The following SYNPO2 variants were observed in gnomAD, a reference collection of about 807,000 sequenced individuals.
SYNPO2 encodes synaptopodin 2.
Under a neutral mutation model 85.0 loss-of-function variants are expected in SYNPO2, and 56 were observed. The ratio of observed to expected loss-of-function variants is 0.66; its 90% CI spans 0.53 to 0.82. The LOEUF (loss-of-function observed/expected upper bound fraction) is 0.82. Ranked by LOEUF, SYNPO2 falls within the 40% of genes least tolerant of loss-of-function variation. The pLI is 0.00. For synonymous variants in SYNPO2, 602 were observed against 591.1 expected (o/e 1.02, Z -0.27); for missense variants, 1,575 against 1,534.2 (o/e 1.03, Z -0.44).
At chr4:119,023,691 G>A (rs1737829200) in intron 2 of SYNPO2, 110 bp downstream of exon 2, 1 of 1,271,710 alleles carries the variant, frequency 7.9e-7, no homozygotes, top group African/African-American at 1.5e-5. Context: ...GGGGTGCTTT[G>A]TAGAAGGTTA....
chr4:119,050,981 G>A (rs992464708), intron 4 of SYNPO2, among the ~76,000 whole-genome samples: 2 of 152,144 alleles, frequency 1.3e-5, no homozygotes, highest in Non-Finnish European at 2.9e-5. Context: ...ACAAACTGGA[G>A]GGAGAAGGAT....
At chr4:118,950,650 G>A (rs958430303) in intron 1 of SYNPO2, among the ~76,000 whole-genome samples, 4 of 152,178 alleles carry the variant, frequency 2.6e-5, no homozygotes, top group Non-Finnish European at 5.9e-5. Flanking sequence ...TGGGAATGTG[G>A]ACTCAGGGTT....
At chr4:119,019,297 C>G (rs957016666) in intron 1 of SYNPO2, among the ~76,000 whole-genome samples, 1 of 152,068 alleles carries the variant, frequency 6.6e-6, no homozygotes, top group Admixed American at 6.6e-5. Flanking sequence ...ACCAATATCT[C>G]TTAGTTATGT....
chr4:119,040,624 T>C (rs889633882), intron 4 of SYNPO2, among the ~76,000 whole-genome samples: 3 of 152,226 alleles, frequency 2.0e-5, no homozygotes, highest in Non-Finnish European at 4.4e-5. Context: ...ATGAATGTAG[T>C]GGACTTAGTA....
Position 119,057,561 on chromosome 4 carries a change from C to G in SYNPO2, c.3413C>G (p.Ser1138Cys). Residue 1138 changes from serine (S) to cysteine (C), a missense_variant, in exon 5 of 5, where the codon TCT (serine) becomes TGT (cysteine). Around this residue, in one of 3 missense-constraint regions of SYNPO2, gnomAD observed 1,508 missense variants for 1,446.8 expected, o/e 1.04. Coordinates refer to ENST00000307142, the MANE Select transcript of SYNPO2 (RefSeq NM_133477.3). ...ACTCCTTGGGAAGCAGCAGCAAAGT[C>G]TCCTCTCGGTCTAGTGGATGATGCT... Reference protein sequence around the residue: ...RPTPWEAAAKSPLGLVDDAFQ... With the variant: ...RPTPWEAAAKCPLGLVDDAFQ... The G allele has an allele frequency of 6.2e-7, 1 of 1,614,098 alleles. No individual in the cohort carries two copies. Among genetic ancestry groups the G allele is most frequent in the African/African-American group, 1.3e-5 (1 of 75,014 alleles).
At chr4:118,932,841 A>G (rs559063839) in intron 1 of SYNPO2, among the ~76,000 whole-genome samples, 2 of 152,286 alleles carry the variant, frequency 1.3e-5, no homozygotes, top group East Asian at 1.9e-4. Context: ...TCTTCCAAGG[A>G]CTATGTGTGG....
chr4:118,876,673 CTTTCTTTCTT>C (rs1560812764), intron 1 of SYNPO2, among the ~76,000 whole-genome samples: 28 of 5,732 alleles, frequency 4.9e-3, no homozygotes, highest in South Asian at 0.014. Context: ...CTTTCTCTTT[CTTTCTTTCTT>C]TCTTTCTTTC....
upstream of SYNPO2, among the ~76,000 whole-genome samples, chr4:118,887,927 A>T (rs1732236431): frequency 2.0e-5 from 3 of 152,254 alleles, no homozygotes; most frequent in South Asian, 4.1e-4. Context: ...GATGAATGTT[A>T]TGGAAAACAA....
intron 1 of SYNPO2, among the ~76,000 whole-genome samples, chr4:118,987,404 C>T (rs1272417919): frequency 3.9e-5 from 6 of 152,144 alleles, no homozygotes; most frequent in Non-Finnish European, 7.3e-5. Flanking sequence ...CATGGTGGCT[C>T]ACGCCTCTAA....
intron 1 of SYNPO2, among the ~76,000 whole-genome samples, chr4:118,933,231 G>A (rs545984581): frequency 6.6e-6 from 1 of 152,310 alleles, no homozygotes; most frequent in South Asian, 2.1e-4. Flanking sequence ...TAAGGAACAA[G>A]GTAGAACTTT....
At chr4:118,871,746 T>G (rs796409332) in intron 1 of SYNPO2, among the ~76,000 whole-genome samples, 27 of 152,232 alleles carry the variant, frequency 1.8e-4, no homozygotes, top group African/African-American at 5.5e-4. Flanking sequence ...ATTTGTTGTA[T>G]TTTTAGTAGA....
chr4:119,032,924 T>C, intron 4 of SYNPO2: 1 of 938,212 alleles, frequency 1.1e-6, no homozygotes, highest in Non-Finnish European at 1.3e-6. Context: ...TCTTTAAAGG[T>C]TGATTCCCAC....
At chr4:119,013,274 A>G (rs1048681045) in intron 1 of SYNPO2, among the ~76,000 whole-genome samples, 1 of 152,178 alleles carries the variant, frequency 6.6e-6, no homozygotes, top group East Asian at 1.9e-4. Context: ...TTACATAAGG[A>G]TATCCTGATG....
intron 1 of SYNPO2, among the ~76,000 whole-genome samples, chr4:118,988,270 T>C (rs1736289469): frequency 6.6e-6 from 1 of 152,228 alleles, no homozygotes; most frequent in African/African-American, 2.4e-5. Context: ...TAGGTTTTAA[T>C]ATTGTACACT....
chr4:118,998,990 T>TAA, intron 1 of SYNPO2, among the ~76,000 whole-genome samples: 1 of 152,246 alleles, frequency 6.6e-6, no homozygotes, highest in Non-Finnish European at 1.5e-5. Context: ...GTTGACCGTG[T>TAA]GATCTTGGGC....
intron 1 of SYNPO2, among the ~76,000 whole-genome samples, chr4:118,967,660 T>C (rs1185027490): frequency 1.3e-5 from 2 of 152,220 alleles, no homozygotes; most frequent in South Asian, 2.1e-4. Flanking sequence ...CAATCCCTGA[T>C]AGTTTCTGGA....
chr4:118,909,865 A>G (rs917761534), intron 1 of SYNPO2, among the ~76,000 whole-genome samples: 1 of 152,216 alleles, frequency 6.6e-6, no homozygotes, highest in African/African-American at 2.4e-5. Flanking sequence ...CCACATACCA[A>G]AGGTTATCTA....
intron 1 of SYNPO2, among the ~76,000 whole-genome samples, chr4:119,008,529 A>G (rs1737167708): frequency 6.6e-6 from 1 of 151,946 alleles, no homozygotes; most frequent in Non-Finnish European, 1.5e-5. Flanking sequence ...ATGATATGTT[A>G]TTATAAAAGA....
chr4:119,031,581 G>T lies in SYNPO2; in HGVS notation c.2806G>T (p.Ala936Ser), dbSNP rs755395998. Residue 936 changes from alanine (A) to serine (S), a missense_variant, in exon 4 of 5, where the codon GCT becomes TCT. Coordinates refer to ENST00000307142, the MANE Select transcript of SYNPO2 (RefSeq NM_133477.3). ...TATCCACTCGCCGTCTTACCCACTG[G>T]CTGCTCTCAAGTCTCAGCCATCAGC... The part of the protein sequence containing the change: ...NPIHSPSYPL[A>S]ALKSQPSAAQ... 5.6e-6 allele frequency: 9 copies of T among 1,613,984 alleles called. No homozygotes were observed. In the African/African-American group the frequency reaches 1.2e-4, roughly 22 times the overall value.
Sources: gnomAD v4.1 joint callset for allele counts (sites outside exome capture counted in the v4.1 genomes callset) on GRCh38, gnomAD v4.1.1 for gene constraint, gnomAD v4.1.1 regional missense constraint, MANE v1.5 for transcripts, NCBI Gene and HGNC (gene_info 2026-07-23, HGNC 2026-07-21) for gene names.